QRFPR: variants seen among roughly 807,000 people sequenced by gnomAD.
The protein encoded by QRFPR is pyroglutamylated RFamide peptide receptor, also known as pyroglutamylated RF-amide peptide receptor.
In QRFPR, 37 loss-of-function variants were observed where a neutral mutation model predicts 31.3. The ratio of observed to expected loss-of-function variants is 1.18; its 90% CI spans 0.91 to 1.56. QRFPR has a LOEUF of 1.56. Ranked by LOEUF, QRFPR falls within the 40% of genes most tolerant of loss-of-function variation. QRFPR has a pLI of 0.00. For synonymous variants in QRFPR, 197 were observed against 192.0 expected (o/e 1.03, Z -0.22); for missense variants, 542 against 532.5 (o/e 1.02, Z -0.18).
At chr4:121,351,468 G>C (rs1725759700) in intron 1 of QRFPR, among the ~76,000 whole-genome samples, 1 of 152,196 alleles carries the variant, frequency 6.6e-6, no homozygotes, top group Non-Finnish European at 1.5e-5. Context: ...TACAGCTTTA[G>C]AAAGGTAACT....
At chr4:121,335,514 G>A (rs1011015036) in intron 3 of QRFPR, among the ~76,000 whole-genome samples, 5 of 134,166 alleles carry the variant, frequency 3.7e-5, no homozygotes, top group African/African-American at 1.4e-4. Flanking sequence ...ACATCTGCCC[G>A]CTTCCTCTCC....
intron 1 of QRFPR, among the ~76,000 whole-genome samples, chr4:121,367,724 T>C (rs959606836): frequency 6.7e-6 from 1 of 150,276 alleles, no homozygotes; most frequent in Non-Finnish European, 1.5e-5. Flanking sequence ...GGATACCCTC[T>C]AGGTGCCTGG....
intron 1 of QRFPR, among the ~76,000 whole-genome samples, chr4:121,355,689 A>G (rs1725854645): frequency 6.6e-6 from 1 of 151,580 alleles, no homozygotes; most frequent in African/African-American, 2.4e-5. Context: ...CTGATGTAGG[A>G]TTTTATTACT....
Position 121,380,383 on chromosome 4 carries a change from G to C in QRFPR, c.265C>G (p.Leu89Val). ...AAGAAGGTGATGAGCAGGTCACTGA[G>C]CGCCAAGGAGCAGATAAAGATGTTG... ...VTNIFICSLA[L>V]SDLLITFFCI... The change falls in exon 1 of 6, where the codon CTC becomes GTC. Residue 89 changes from leucine (L) to valine (V), a missense_variant. Leu to Val is a conservative substitution (Grantham distance 32). Transcript: ENST00000394427. 1 of 1,614,228 alleles carries C rather than the reference G, an allele frequency of 6.2e-7. No individual in the cohort carries two copies. The highest frequency in any genetic ancestry group is 8.5e-7 in the Non-Finnish European group (1 of 1,180,032).
At chr4:121,357,020 G>A (rs1301416320) in intron 1 of QRFPR, among the ~76,000 whole-genome samples, 1 of 152,072 alleles carries the variant, frequency 6.6e-6, no homozygotes, top group Non-Finnish European at 1.5e-5. Context: ...CCTAAATAAA[G>A]AGTTACTCTA....
intron 1 of QRFPR, among the ~76,000 whole-genome samples, chr4:121,361,780 G>T (rs142141870): frequency 6.7e-6 from 1 of 149,922 alleles, no homozygotes; most frequent in African/African-American, 2.5e-5. Context: ...TTTTTTTCAC[G>T]AGGTAACTAG....
chr4:121,340,108 C>CAAAAAAAAAAAA (rs58311512), intron 2 of QRFPR: 3 of 131,918 alleles, frequency 2.3e-5, no homozygotes, highest in Non-Finnish European at 1.4e-5. Flanking sequence ...CACTCTGTCT[C>CAAAAAAAAAAAA]AAAAAAAAAA....
chr4:121,358,827 A>T (rs1356658710), intron 1 of QRFPR, among the ~76,000 whole-genome samples: 4 of 152,220 alleles, frequency 2.6e-5, no homozygotes, highest in Admixed American at 1.3e-4. Flanking sequence ...TTTCCACTGT[A>T]GGAACATTTC....
chr4:121,359,097 G>T (rs550624247), intron 1 of QRFPR, among the ~76,000 whole-genome samples: 2 of 152,138 alleles, frequency 1.3e-5, no homozygotes, highest in South Asian at 4.1e-4. Context: ...AATTAGTGTA[G>T]AGAATAGGCC....
At chr4:121,334,565 T>C (rs1417360071) in intron 3 of QRFPR, 5 of 300,630 alleles carry the variant, frequency 1.7e-5, no homozygotes, top group African/African-American at 1.1e-4. Flanking sequence ...CATAAACACA[T>C]GGCAGGGCTT....
At chr4:121,348,272 A>C (rs1248583673) in intron 1 of QRFPR, among the ~76,000 whole-genome samples, 4 of 152,240 alleles carry the variant, frequency 2.6e-5, no homozygotes, top group African/African-American at 9.6e-5. Context: ...ATGAGAAAAC[A>C]AGCCTACTGT....
chr4:121,346,529 C>T (rs1181344855), intron 1 of QRFPR, among the ~76,000 whole-genome samples: 1 of 152,160 alleles, frequency 6.6e-6, no homozygotes, highest in African/African-American at 2.4e-5. Context: ...CATATGGTCA[C>T]TTATTGTCCT....
intron 1 of QRFPR, among the ~76,000 whole-genome samples, chr4:121,365,334 G>A (rs1415034720): frequency 7.0e-6 from 1 of 141,974 alleles, no homozygotes; most frequent in Admixed American, 7.2e-5. Flanking sequence ...GGCGCCTGTA[G>A]TCCCAGCTAC....
chr4:121,376,396 T>C (rs957807257), intron 1 of QRFPR, among the ~76,000 whole-genome samples: 1 of 152,228 alleles, frequency 6.6e-6, no homozygotes, highest in African/African-American at 2.4e-5. Flanking sequence ...TGTATCTCTT[T>C]CCAACTTTAG....
intron 1 of QRFPR, among the ~76,000 whole-genome samples, chr4:121,351,908 TTAA>T (rs200335962): frequency 0.029 from 4,382 of 150,366 alleles, 204 homozygotes; most frequent in African/African-American, 0.1. Flanking sequence ...CATTCAATCA[TTAA>T]TAATATTTCA....
rs537837055 is a variant in QRFPR, at chr4:121,359,819, A to G, written c.341-19209T>C. Among the ~76,000 whole-genome samples the G allele has an allele frequency of 4.0e-5, 6 of 150,250 alleles. No homozygotes were observed. In the East Asian group the frequency reaches 5.9e-4, roughly 15 times the overall value. The stretch of plus-strand genomic sequence containing the variant: ...TGTGTGTGTGTATGTGTGTGTGTGT[A>G]TATATATATCTCTCTCCTATTAGTT... On this transcript the variant is annotated intron_variant, in intron 1 of 5. Coordinates refer to ENST00000394427, the MANE Select transcript of QRFPR (RefSeq NM_198179.3).
rs1010864360 is a variant in QRFPR at position 121,364,100 on chromosome 4, G to A, written c.340+16208C>T. ...TGGGAACTTGCCACAAAAGGGTTGA[G>A]GGAGCTTGAGGTCCTGCGTTACAAG... On this transcript the variant is annotated intron_variant, in intron 1 of 5. Coordinates refer to ENST00000394427, the MANE Select transcript of QRFPR (RefSeq NM_198179.3). Among the ~76,000 whole-genome samples the A allele has an allele frequency of 2.7e-5, 4 of 150,052 alleles. 1 individual carries two copies. Among genetic ancestry groups the A allele is most frequent in the African/African-American group, 7.4e-5 (3 of 40,580 alleles).
At chr4:121,361,415 G>A (rs184142167) in intron 1 of QRFPR, among the ~76,000 whole-genome samples, 1 of 150,212 alleles carries the variant, frequency 6.7e-6, no homozygotes, top group Non-Finnish European at 1.5e-5. Flanking sequence ...TAATCAGAGA[G>A]AGATACGCAG....
intron 1 of QRFPR, among the ~76,000 whole-genome samples, chr4:121,357,549 C>A (rs964052268): frequency 6.6e-6 from 1 of 152,196 alleles, no homozygotes; most frequent in African/African-American, 2.4e-5. Flanking sequence ...CAATTCAACT[C>A]CCTTCCCCTA....
Sources: gnomAD v4.1 joint callset for allele counts (sites outside exome capture counted in the v4.1 genomes callset) on GRCh38, gnomAD v4.1.1 for gene constraint, MANE v1.5 for transcripts, NCBI Gene and HGNC (gene_info 2026-07-23, HGNC 2026-07-21) for gene names.